The following FRMD6 variants were observed in gnomAD, a reference collection of about 807,000 sequenced individuals.
The protein encoded by FRMD6 is FERM domain-containing protein 6.
FRMD6 carries 37 observed loss-of-function variants against 73.2 expected under a neutral mutation model. That is an observed-to-expected ratio of 0.51 (90% CI 0.39 to 0.66). The LOEUF (loss-of-function observed/expected upper bound fraction) is 0.66. FRMD6 is among the 30% of genes least tolerant of loss of function. The pLI is 0.00. For missense variants in FRMD6, 714 were observed against 780.5 expected (o/e 0.91, Z 1.02); for synonymous variants, 273 against 282.2 (o/e 0.97, Z 0.33).
At chr14:51,436,813 T>TGAA in the FRMD6 span, 1 of 541,282 alleles carries the variant, frequency 1.8e-6, no homozygotes, top group Non-Finnish European at 3.3e-6. Context: ...AAGATGATGA[T>TGAA]GAAGATGAAG....
chr14:51,496,669 A>G (rs930501718), intron 1 of FRMD6, among the ~76,000 whole-genome samples: 7 of 152,248 alleles, frequency 4.6e-5, no homozygotes, highest in African/African-American at 1.7e-4. Flanking sequence ...AGCTTAGATT[A>G]AGAGATGTGG....
In FRMD6 at chr14:51,720,302, C is replaced by T. The variant is rs779870307; in HGVS notation, c.1272C>T (p.Cys424=). ...CCATCCACCGCAAGCTGAAAACCTG[C>T]AGCTCAATGACCAGTCATGGCAGCT... ...SSAIHRKLKT[C]SSMTSHGSSH... Residue 424 remains cysteine, a synonymous_variant, in exon 11 of 14, where the codon TGC becomes TGT. Transcript: ENST00000344768. 1 of 1,614,060 alleles carries T rather than the reference C, an allele frequency of 6.2e-7. No individual in the cohort carries two copies. Among genetic ancestry groups the T allele is most frequent in the South Asian group, 1.1e-5 (1 of 91,086 alleles).
intron 1 of FRMD6, among the ~76,000 whole-genome samples, chr14:51,671,685 T>TA (rs1277562427): frequency 6.6e-6 from 1 of 152,162 alleles, no homozygotes; most frequent in Non-Finnish European, 1.5e-5. Context: ...ACTGGTGCTT[T>TA]AGAAAAAGTT....
At chr14:51,681,294 T>C (rs1894777922) in intron 1 of FRMD6, among the ~76,000 whole-genome samples, 1 of 152,194 alleles carries the variant, frequency 6.6e-6, no homozygotes, top group Admixed American at 6.5e-5. Context: ...CAAGATATGA[T>C]AAAATAGCAT....
At chr14:51,490,616 T>TGTGTG (rs1882938745) in intron 1 of FRMD6, among the ~76,000 whole-genome samples, 2 of 148,126 alleles carry the variant, frequency 1.4e-5, no homozygotes, top group African/African-American at 5.0e-5. Context: ...TGTGTGTATT[T>TGTGTG]TGTGTGTGTG....
the FRMD6 span, among the ~76,000 whole-genome samples, chr14:51,412,064 C>G: frequency 2.6e-3 from 385 of 148,254 alleles, 2 homozygotes; most frequent in Non-Finnish European, 4.2e-3. Context: ...TATCTTATTT[C>G]CTTTGCTTCC....
At chr14:51,428,498 C>A in the FRMD6 span, among the ~76,000 whole-genome samples, 1 of 152,262 alleles carries the variant, frequency 6.6e-6, no homozygotes, top group Non-Finnish European at 1.5e-5. Context: ...TGAAGAGGAA[C>A]TGTATTTAAA....
chr14:51,661,284 A>T (rs930513976), intron 1 of FRMD6, among the ~76,000 whole-genome samples: 33 of 152,192 alleles, frequency 2.2e-4, no homozygotes, highest in Admixed American at 6.5e-5. Context: ...CAGTATTTAC[A>T]GTTTGTAGAG....
intron 1 of FRMD6, chr14:51,547,846 G>A (rs1019667020): frequency 2.7e-5 from 4 of 148,580 alleles, no homozygotes; most frequent in Non-Finnish European, 5.9e-5. Context: ...CATATTTCCC[G>A]AAGATCTTGA....
intron 1 of FRMD6, among the ~76,000 whole-genome samples, chr14:51,531,436 A>G (rs991866720): frequency 2.6e-5 from 4 of 152,220 alleles, no homozygotes; most frequent in Non-Finnish European, 5.9e-5. Context: ...AGACTAGGAC[A>G]TATTGAGGTA....
the FRMD6 span, among the ~76,000 whole-genome samples, chr14:51,443,837 T>C: frequency 6.6e-6 from 1 of 151,896 alleles, no homozygotes; most frequent in Non-Finnish European, 1.5e-5. Context: ...TCTCCACCAA[T>C]AGAGAAATAA....
chr14:51,415,867 C>A, the FRMD6 span, among the ~76,000 whole-genome samples: 3 of 152,168 alleles, frequency 2.0e-5, no homozygotes, highest in Non-Finnish European at 4.4e-5. Flanking sequence ...CAACTTCTTC[C>A]TGGTTTAGTC....
intron 2 of FRMD6, among the ~76,000 whole-genome samples, chr14:51,623,239 TTGG>T (rs1890996119): frequency 1.3e-5 from 2 of 152,218 alleles, no homozygotes. Flanking sequence ...AAAAATAATC[TTGG>T]TGGAATTCTT....
At chr14:51,473,125 C>T in the FRMD6 span, among the ~76,000 whole-genome samples, 6 of 152,258 alleles carry the variant, frequency 3.9e-5, no homozygotes, top group South Asian at 1.0e-3. Flanking sequence ...CTGCCCCTGC[C>T]GGTCCTGCTG....
chr14:51,686,730 G>A (rs776712008), intron 1 of FRMD6, among the ~76,000 whole-genome samples: 3 of 152,070 alleles, frequency 2.0e-5, no homozygotes, highest in Non-Finnish European at 4.4e-5. Flanking sequence ...GTGTCCTCCT[G>A]GGACTGAGTT....
intron 11 of FRMD6, among the ~76,000 whole-genome samples, chr14:51,721,387 G>A (rs996760850): frequency 3.3e-5 from 5 of 152,202 alleles, no homozygotes; most frequent in African/African-American, 1.2e-4. Context: ...CAAGGCAGGC[G>A]GATCACGAGG....
At chr14:51,416,678 G>A in the FRMD6 span, among the ~76,000 whole-genome samples, 20 of 152,308 alleles carry the variant, frequency 1.3e-4, no homozygotes, top group African/African-American at 4.6e-4. Context: ...TCTGCTTGTC[G>A]CAGAGCTGAG....
At chr14:51,478,003 G>C in the FRMD6 span, among the ~76,000 whole-genome samples, 1 of 152,068 alleles carries the variant, frequency 6.6e-6, no homozygotes, top group Non-Finnish European at 1.5e-5. Flanking sequence ...CTCCCAAAGT[G>C]CTAGGATTGC....
At chr14:51,701,818 G>C (rs1305773429) in intron 4 of FRMD6, among the ~76,000 whole-genome samples, 1 of 151,710 alleles carries the variant, frequency 6.6e-6, no homozygotes, top group Non-Finnish European at 1.5e-5. Context: ...TGTCAAAATT[G>C]CTGTTCTAGA....
Sources: gnomAD v4.1 joint callset for allele counts (sites outside exome capture counted in the v4.1 genomes callset) on GRCh38, gnomAD v4.1.1 for gene constraint, MANE v1.5 for transcripts, NCBI Gene and HGNC (gene_info 2026-07-23, HGNC 2026-07-21) for gene names.